The following TTBK2 variants were observed in gnomAD, a reference collection of about 807,000 sequenced individuals.
TTBK2 encodes the protein tau tubulin kinase 2, also known as tau-tubulin kinase 2.
Under a neutral mutation model 110.8 loss-of-function variants are expected in TTBK2, and 28 were observed. The ratio of observed to expected loss-of-function variants is 0.25; its 90% CI spans 0.19 to 0.35. The LOEUF (loss-of-function observed/expected upper bound fraction) is 0.35, where lower values mean the gene tolerates loss of function less well. TTBK2 is among the 10% of genes least tolerant of loss of function. The pLI is 1.00. For missense variants in TTBK2, 1,369 were observed against 1,500.3 expected (o/e 0.91, Z 1.45); for synonymous variants, 532 against 527.3 (o/e 1.01, Z -0.12).
chr15:42,754,023 C>T (rs902029256), intron 13 of TTBK2, among the ~76,000 whole-genome samples: 2 of 151,664 alleles, frequency 1.3e-5, no homozygotes, highest in African/African-American at 4.8e-5. Flanking sequence ...AGGATTATAT[C>T]TTCCTACAAG....
chr15:42,904,434 GC>G (rs1160338338), intron 1 of TTBK2, among the ~76,000 whole-genome samples: 4 of 152,016 alleles, frequency 2.6e-5, no homozygotes, highest in African/African-American at 9.7e-5. Context: ...AAATCTTGGT[GC>G]AAGAACACTA....
chr15:42,884,809 C>G (rs1056423507), intron 1 of TTBK2, among the ~76,000 whole-genome samples: 2 of 152,188 alleles, frequency 1.3e-5, no homozygotes, highest in African/African-American at 4.8e-5. Context: ...GTGACCTGCA[C>G]GTATACATCC....
chr15:42,864,140 T>C (rs535135598), intron 3 of TTBK2, among the ~76,000 whole-genome samples: 16 of 152,128 alleles, frequency 1.1e-4, no homozygotes, highest in East Asian at 5.8e-4. Flanking sequence ...ACAGAGTAAA[T>C]AGACAACCTA....
intron 5 of TTBK2, among the ~76,000 whole-genome samples, chr15:42,829,250 A>G (rs1892654490): frequency 6.6e-6 from 1 of 152,238 alleles, no homozygotes; most frequent in Non-Finnish European, 1.5e-5. Context: ...CCTATTTCAC[A>G]CTTATGGAAA....
chr15:42,775,114 T>C (rs1889842959), intron 13 of TTBK2, 21 bp downstream of exon 13: 2 of 1,607,712 alleles, frequency 1.2e-6, no homozygotes, highest in Non-Finnish European at 8.5e-7. Context: ...CAGAGAATAA[T>C]AATAAAAACA....
chr15:42,760,346 C>G (rs992895225), intron 13 of TTBK2, among the ~76,000 whole-genome samples: 1 of 136,872 alleles, frequency 7.3e-6, no homozygotes, highest in African/African-American at 2.7e-5. Context: ...GATCATGCCA[C>G]TGCACTCCAG....
At chr15:42,766,446 C>CAAA (rs567972612) in intron 13 of TTBK2, among the ~76,000 whole-genome samples, 34 of 30,838 alleles carry the variant, frequency 1.1e-3, no homozygotes, top group Admixed American at 1.5e-3. Context: ...GAATGGAAAG[C>CAAA]AAAAAAAAAA....
At chr15:42,763,181 TATATATATATA>T (rs1300413363) in intron 13 of TTBK2, among the ~76,000 whole-genome samples, 3 of 24,728 alleles carry the variant, frequency 1.2e-4, no homozygotes, top group African/African-American at 4.1e-4. Flanking sequence ...TATATATATA[TATATATATATA>T]TTTTTTTTTT....
At chr15:42,756,865 C>CA (rs200664379) in intron 13 of TTBK2, among the ~76,000 whole-genome samples, 3,262 of 149,040 alleles carry the variant, frequency 0.022, 134 homozygotes, top group African/African-American at 0.078. Flanking sequence ...TACCCCACCT[C>CA]AAAAAAAACA....
chr15:42,776,606 C>T (rs540762877), intron 12 of TTBK2, among the ~76,000 whole-genome samples: 9 of 152,292 alleles, frequency 5.9e-5, no homozygotes, highest in East Asian at 1.9e-4. Context: ...TTGAACTCAC[C>T]GTCCCTTGTG....
At chr15:42,823,652 G>C (rs557478999) in intron 6 of TTBK2, among the ~76,000 whole-genome samples, 2 of 152,086 alleles carry the variant, frequency 1.3e-5, no homozygotes, top group Admixed American at 6.5e-5. Context: ...TACAAAACAA[G>C]CTTGCCCAAC....
chr15:42,767,208 A>G (rs1187232031), intron 13 of TTBK2, among the ~76,000 whole-genome samples: 1 of 152,234 alleles, frequency 6.6e-6, no homozygotes, highest in Non-Finnish European at 1.5e-5. Flanking sequence ...ACACCCTAAC[A>G]TCACAATTAA....
In TTBK2 at chr15:42,752,238, A is replaced by G; in HGVS notation, c.3008T>C (p.Leu1003Pro). ...AGGAACAGTAGCTAGTTTCTCCTCT[A>G]GCAATTTATCAGAGGCACTTGAGAG... Reference protein sequence around the residue: ...GDLSSASDKLLEEKLATVPAP... With the variant: ...GDLSSASDKLPEEKLATVPAP... Residue 1003 changes from leucine (L) to proline (P), a missense_variant, in exon 14 of 15, where the codon CTA becomes CCA. By Grantham distance (98) the Leu-to-Pro change is moderately conservative. Transcript: ENST00000267890. 1 of 1,614,066 alleles carries G rather than the reference A, an allele frequency of 6.2e-7. No homozygotes were observed. The highest frequency in any genetic ancestry group is 1.1e-5 in the South Asian group (1 of 91,068).
intron 1 of TTBK2, among the ~76,000 whole-genome samples, chr15:42,915,911 C>T (rs1215524343): frequency 6.6e-6 from 1 of 152,056 alleles, no homozygotes; most frequent in East Asian, 1.9e-4. Context: ...CATGGCACTC[C>T]AGCCTGGGCA....
At chr15:42,913,436 G>A (rs530875111) in intron 1 of TTBK2, among the ~76,000 whole-genome samples, 2 of 152,062 alleles carry the variant, frequency 1.3e-5, no homozygotes, top group East Asian at 1.9e-4. Context: ...TCAGGAGATC[G>A]AGACCATCCT....
intron 1 of TTBK2, among the ~76,000 whole-genome samples, chr15:42,906,932 C>T (rs1205619788): frequency 6.6e-6 from 1 of 151,540 alleles, no homozygotes; most frequent in African/African-American, 2.4e-5. Flanking sequence ...TGCCTATAAT[C>T]TCAGCAATCT....
Position 42,751,956 on chromosome 15 carries a change from G to A in TTBK2, c.3272+18C>T. The A allele has an allele frequency of 6.2e-7, 1 of 1,613,994 alleles. No homozygotes were observed. Among genetic ancestry groups the A allele is most frequent in the Non-Finnish European group, 8.5e-7 (1 of 1,179,938 alleles). ...AATGGTGTTACACACTTAACACAGG[G>A]AGAGCACACAGCATTACCTGGCTTC... On this transcript the variant is annotated intron_variant, in intron 14 of 14. Coordinates refer to ENST00000267890, the MANE Select transcript of TTBK2 (RefSeq NM_173500.4).
chr15:42,834,854 G>T (rs1296492160), intron 4 of TTBK2, among the ~76,000 whole-genome samples: 3 of 152,098 alleles, frequency 2.0e-5, no homozygotes, highest in Non-Finnish European at 2.9e-5. Context: ...TCCAGACTGG[G>T]CAACAGAGTG....
At chr15:42,851,313 A>G (rs1893702535) in intron 3 of TTBK2, among the ~76,000 whole-genome samples, 1 of 151,900 alleles carries the variant, frequency 6.6e-6, no homozygotes, top group Non-Finnish European at 1.5e-5. Context: ...CTCTGGGTAT[A>G]AGCCCAACAT....
Sources: allele counts gnomAD v4.1 joint callset (sites outside exome capture counted in the v4.1 genomes callset), GRCh38; gene constraint gnomAD v4.1.1; transcripts MANE v1.5; gene names NCBI Gene and HGNC (gene_info 2026-07-23, HGNC 2026-07-21).